The following PXK variants were observed in gnomAD, a reference collection of about 807,000 sequenced individuals.
PXK encodes the protein PX domain containing serine/threonine kinase like, also known as PX domain-containing protein kinase-like protein.
PXK carries 35 observed loss-of-function variants against 84.7 expected under a neutral mutation model. The ratio of observed to expected loss-of-function variants is 0.41; its 90% CI spans 0.32 to 0.55. The LOEUF is 0.55. Ranked by LOEUF, PXK falls within the 20% of genes least tolerant of loss-of-function variation. The pLI, the probability that PXK is intolerant of heterozygous loss-of-function variation, is 0.21. For missense variants in PXK, 634 were observed against 699.7 expected (o/e 0.91, Z 1.06); for synonymous variants, 253 against 260.8 (o/e 0.97, Z 0.29).
At position 58,401,686 on chromosome 3, in the gene PXK, G is replaced by A. The variant is rs1468909832; in HGVS notation, c.1182-2176G>A. ...TCATGCCTGTAATCCCAGCACTTTA[G>A]GAGGCCAAGGCAGGTGGATCACAAG... On this transcript the variant is annotated intron_variant, in intron 12 of 17. Coordinates refer to ENST00000356151, the MANE Select transcript of PXK (RefSeq NM_017771.5). The surrounding 1 kb of genome is among the most constrained non-coding windows in gnomAD (Gnocchi z 4.4). 2.6e-5 allele frequency among the ~76,000 whole-genome samples: 4 copies of A among 151,850 alleles called. No homozygotes were observed. Among genetic ancestry groups the A allele is most frequent in the Admixed American group, 2.6e-4 (4 of 15,244 alleles).
At chr3:58,357,002 T>C (rs2098095490) in intron 1 of PXK, among the ~76,000 whole-genome samples, 1 of 149,138 alleles carries the variant, frequency 6.7e-6, no homozygotes, top group Non-Finnish European at 1.5e-5. Context: ...AACTTCAGGC[T>C]GGGCGCGGTG....
chr3:58,413,079 C>A, intron 17 of PXK, 116 bp downstream of exon 17: 1 of 1,133,154 alleles, frequency 8.8e-7, no homozygotes, highest in South Asian at 1.3e-5. Context: ...GCAGCTTTCT[C>A]AAGAGAAATC....
In PXK at chr3:58,421,117, G is replaced by C. The variant is rs2061769605; in HGVS notation, c.1529-3635G>C. The C allele has an allele frequency of 4.1e-6, 4 of 985,178 alleles. No individual in the cohort carries two copies. The highest frequency in any genetic ancestry group is 4.8e-6 in the Non-Finnish European group (4 of 829,832). The allele number at this position is 985,178 out of a possible 1,614,324, so 61.0% of individuals were successfully genotyped here. ...GGAGAAGGTGGTTCTCCCGAGAGCT[G>C]GGGGCTTGCCTGCTTCGGTTCTCTC... On this transcript the variant is annotated intron_variant, in intron 17 of 17. Transcript: ENST00000356151. This position sits in a 1 kb window ranked among gnomAD's most constrained non-coding sequence, Gnocchi z 5.5.
In PXK at chr3:58,349,835, A is replaced by G. The variant is rs190428103; in HGVS notation, c.103-16039A>G. Reference sequence around the variant, plus strand: ...CATAGTGGCTACCATATTGGATATCAAGCCTTAGGTCACTGCTCTCTTCAA... The same window carrying G: ...CATAGTGGCTACCATATTGGATATCGAGCCTTAGGTCACTGCTCTCTTCAA... On this transcript the variant is annotated intron_variant, in intron 1 of 17. Coordinates refer to ENST00000356151, the MANE Select transcript of PXK (RefSeq NM_017771.5). Among the ~76,000 whole-genome samples the G allele has an allele frequency of 4.1e-3, 630 of 152,320 alleles. 6 individuals are homozygous for G. The highest frequency in any genetic ancestry group is 0.014 in the African/African-American group (577 of 41,572).
chr3:58,403,145 T>C (rs1449262142), intron 12 of PXK, among the ~76,000 whole-genome samples: 1 of 151,616 alleles, frequency 6.6e-6, no homozygotes, highest in African/African-American at 2.4e-5. Flanking sequence ...GCTGGGACAA[T>C]AGGCACGCAC....
At chr3:58,404,299 G>C (rs2059055344) in intron 13 of PXK, among the ~76,000 whole-genome samples, 1 of 152,132 alleles carries the variant, frequency 6.6e-6, no homozygotes, top group Non-Finnish European at 1.5e-5. Flanking sequence ...ATCTTACTTT[G>C]TTCCTACAAT....
intron 13 of PXK, among the ~76,000 whole-genome samples, chr3:58,406,044 A>G (rs150138419): frequency 0.018 from 2,777 of 150,878 alleles, 85 homozygotes; most frequent in African/African-American, 0.064. Flanking sequence ...ATCTCGGCTC[A>G]CTGCAACCTC....
chr3:58,377,547 G>A (rs1454720984), intron 3 of PXK, among the ~76,000 whole-genome samples: 1 of 151,664 alleles, frequency 6.6e-6, no homozygotes, highest in South Asian at 2.1e-4. Context: ...GGCAGGCTGA[G>A]GTGGGAGGAT....
intron 12 of PXK, 80 bp from the exon 13 acceptor site, chr3:58,403,781 AG>A: frequency 2.4e-6 from 2 of 824,156 alleles, no homozygotes; most frequent in Admixed American, 4.9e-5. Flanking sequence ...CATGGGCTAA[AG>A]GTGTCTTAAT....
chr3:58,408,025 T>C (rs150661238), intron 13 of PXK, among the ~76,000 whole-genome samples: 2 of 152,350 alleles, frequency 1.3e-5, no homozygotes, highest in Non-Finnish European at 2.9e-5. Context: ...AGGTTTTGAA[T>C]CCATTTTGAG....
At chr3:58,377,934 C>T (rs1239218521) in intron 3 of PXK, among the ~76,000 whole-genome samples, 1 of 152,190 alleles carries the variant, frequency 6.6e-6, no homozygotes, top group East Asian at 1.9e-4. Context: ...CCAGCATTGG[C>T]AGTACCAGGT....
chr3:58,421,054 T>C lies in PXK; in HGVS notation c.1529-3698T>C. ...AGCATCCTTTATAATTCTCGAGCTG[T>C]GACAGGAGTACAGCCTCCTCACCTG... On this transcript the variant is annotated intron_variant, in intron 17 of 17. Transcript: ENST00000356151. This position sits in a 1 kb window ranked among gnomAD's most constrained non-coding sequence, Gnocchi z 5.5. 3 of 1,000,658 alleles carry C rather than the reference T, an allele frequency of 3.0e-6. No individual in the cohort carries two copies. The highest frequency in any genetic ancestry group is 1.7e-5 in the African/African-American group (1 of 57,408). The allele number at this position is 1,000,658 out of a possible 1,614,324, so 62.0% of individuals were successfully genotyped here. A position where few individuals can be genotyped will look rare whatever the true frequency, so the allele number is the denominator to read the frequency against.
Position 58,385,421 on chromosome 3 carries a change from T to C in PXK, c.388+2721T>C, listed in dbSNP as rs1033078145. Among the ~76,000 whole-genome samples the C allele has an allele frequency of 6.6e-6, 1 of 152,124 alleles. No homozygotes were observed. Among genetic ancestry groups the C allele is most frequent in the Non-Finnish European group, 1.5e-5 (1 of 68,008 alleles). On this transcript the variant is annotated intron_variant, in intron 4 of 17. Transcript: ENST00000356151. This position sits in a 1 kb window ranked among gnomAD's most constrained non-coding sequence, Gnocchi z 5.1. ...CTCCATGCCAGCTTGACAGGACCAT[T>C]CCTGAGATTCACAGCATGGCCCACG...
At chr3:58,361,844 C>A (rs182766549) in intron 1 of PXK, among the ~76,000 whole-genome samples, 1 of 152,098 alleles carries the variant, frequency 6.6e-6, no homozygotes, top group Non-Finnish European at 1.5e-5. Flanking sequence ...GTTTTCATTT[C>A]TTTGGAATAA....
At chr3:58,341,823 C>A in intron 1 of PXK, among the ~76,000 whole-genome samples, 1 of 151,894 alleles carries the variant, frequency 6.6e-6, no homozygotes, top group South Asian at 2.1e-4. Context: ...TCTGCCTCAG[C>A]CTCCTGCGTA....
rs751548577 is a variant in PXK at position 58,409,590 on chromosome 3, G to GA, written c.1375dup (p.Arg459LysfsTer15). On this transcript the variant is annotated frameshift_variant, in exon 15 of 18. Coordinates refer to ENST00000356151, the MANE Select transcript of PXK (RefSeq NM_017771.5). LOFTEE classifies it high-confidence loss of function. The surrounding 1 kb of genome is among the most constrained non-coding windows in gnomAD (Gnocchi z 4.2). ...TCCCACCATGGATCTGAGGAGGAAAGAAAAAAAAGAAAGATTTTAGCTCGA... is the reference window on the plus strand; with the variant it reads ...TCCCACCATGGATCTGAGGAGGAAAGAAAAAAAAAGAAAGATTTTAGCTCGA... 1.1e-5 allele frequency: 18 copies of GA among 1,609,704 alleles called. No homozygotes were observed. The highest frequency in any genetic ancestry group is 6.8e-5 in the Admixed American group (4 of 58,404).
rs140034540 is a variant in PXK, at chr3:58,362,426, C to G, written c.103-3448C>G. Among the ~76,000 whole-genome samples, 255 of 152,230 alleles carry G rather than the reference C, an allele frequency of 1.7e-3. 2 individuals carry two copies. The highest frequency in any genetic ancestry group is 5.8e-3 in the African/African-American group (241 of 41,524). ...TGAGGTTCATTTCATTGCTGAGTGT[C>G]CAATTGCTCTGACACGTGAAAGTAA... On this transcript the variant is annotated intron_variant, in intron 1 of 17. Coordinates refer to ENST00000356151, the MANE Select transcript of PXK (RefSeq NM_017771.5).
rs2059830896 is a variant in PXK at position 58,409,236 on chromosome 3, T to G, written c.1308+235T>G. Among the ~76,000 whole-genome samples the G allele has an allele frequency of 6.6e-6, 1 of 152,178 alleles. No individual in the cohort carries two copies. The highest frequency in any genetic ancestry group is 6.5e-5 in the Admixed American group (1 of 15,276). On this transcript the variant is annotated intron_variant, in intron 14 of 17. Transcript: ENST00000356151. This position sits in a 1 kb window ranked among gnomAD's most constrained non-coding sequence, Gnocchi z 4.2. ...CAGGAAGGGCAGTCTGGGTTTCTGA[T>G]CAGAGCATGCCGGCCGGTGATAGTT...
intron 1 of PXK, among the ~76,000 whole-genome samples, chr3:58,348,094 G>T (rs2097854442): frequency 6.6e-6 from 1 of 152,132 alleles, no homozygotes; most frequent in Non-Finnish European, 1.5e-5. Context: ...CTTTTCAGTA[G>T]AGGTGGGGTT....
Sources: gnomAD v4.1 joint callset for allele counts (sites outside exome capture counted in the v4.1 genomes callset) on GRCh38, gnomAD v4.1.1 for gene constraint, Gnocchi (gnomAD v3.1) non-coding constraint, MANE v1.5 for transcripts, NCBI Gene and HGNC (gene_info 2026-07-23, HGNC 2026-07-21) for gene names.